Variants in CASK observed in about 807,000 individuals in gnomAD.
The protein encoded by CASK is peripheral plasma membrane protein CASK.
In CASK, 4 loss-of-function variants were observed where a neutral mutation model predicts 82.9. The ratio of observed to expected loss-of-function variants is 0.05; its 90% CI spans 0.02 to 0.11. The LOEUF (loss-of-function observed/expected upper bound fraction) is 0.11, where lower values mean the gene tolerates loss of function less well. CASK is among the 10% of genes least tolerant of loss of function. CASK has a pLI of 1.00. For missense variants in CASK, 358 were observed against 720.9 expected, an observed-to-expected ratio of 0.50 and a Z score of 5.76; for synonymous variants, 259 against 253.5, an observed-to-expected ratio of 1.02 and a Z score of -0.20.
At chrX:41,826,495 C>G (rs903557333) in intron 2 of CASK, among the ~76,000 whole-genome samples, 1 of 111,590 alleles carries the variant, frequency 9.0e-6, no homozygotes, top group African/African-American at 3.3e-5. Context: ...GTTTTTGAGA[C>G]AGGGTCTCAC....
At chrX:41,629,987 C>T (rs985565138) in intron 9 of CASK, among the ~76,000 whole-genome samples, 6 of 111,391 alleles carry the variant, frequency 5.4e-5, no homozygotes, top group African/African-American at 1.3e-4. Context: ...CTTTTAAGGG[C>T]GAAACATAAT....
intron 3 of CASK, among the ~76,000 whole-genome samples, chrX:41,774,944 C>G (rs1229456981): frequency 9.0e-6 from 1 of 111,586 alleles, no homozygotes; most frequent in Non-Finnish European, 1.9e-5. Flanking sequence ...AGAAGAAAAC[C>G]TAGGCATTAC....
intron 5 of CASK, among the ~76,000 whole-genome samples, chrX:41,683,677 G>C (rs2067398961): frequency 9.0e-6 from 1 of 111,251 alleles, no homozygotes; most frequent in African/African-American, 3.3e-5. Context: ...AGTTTTGGGG[G>C]AGTCAAAAGT....
In CASK at chrX:41,726,863, T is replaced by C. The variant is rs187587572; in HGVS notation, c.429+12521A>G. The C allele has an allele frequency of 9.2e-4, 311 of 338,669 alleles. 1 individual carries two copies. Among genetic ancestry groups the C allele is most frequent in the Non-Finnish European group, 1.8e-4 (35 of 196,977 alleles). The allele number at this position is 338,669 out of a possible 1,213,427, so 27.9% of individuals were successfully genotyped here. On this transcript the variant is annotated intron_variant, in intron 5 of 26. Coordinates refer to ENST00000378163, the MANE Select transcript of CASK (RefSeq NM_001367721.1). ...GAAAAGGTAAGAAGCCATCTATACTTTCCCGTTCCATCCAATACATTTTTG... is the reference window on the plus strand; with the variant it reads ...GAAAAGGTAAGAAGCCATCTATACTCTCCCGTTCCATCCAATACATTTTTG...
At chrX:41,728,049 A>T in intron 5 of CASK, 1 of 992,096 alleles carries the variant, frequency 1.0e-6, no homozygotes, top group Non-Finnish European at 1.4e-6. Flanking sequence ...TTTTGAATGG[A>T]AAACCCCACA....
At chrX:41,713,033 C>T (rs1014355293) in intron 5 of CASK, among the ~76,000 whole-genome samples, 6 of 111,780 alleles carry the variant, frequency 5.4e-5, no homozygotes, top group Non-Finnish European at 7.5e-5. Context: ...AATAATAAAA[C>T]TCCGCTCTCC....
rs1211373538 is a variant in CASK, at chrX:41,515,356, G to A, written c.*5064C>T. 5 of 112,293 alleles carry A rather than the reference G, an allele frequency of 4.5e-5. No homozygotes were observed. The highest frequency in any genetic ancestry group is 1.6e-4 in the African/African-American group (5 of 30,902). The allele number at this position is 112,293 out of a possible 1,213,427, so 9.3% of individuals were successfully genotyped here. On this transcript the variant is annotated 3_prime_UTR_variant, in exon 27 of 27. Coordinates refer to ENST00000378163, the MANE Select transcript of CASK (RefSeq NM_001367721.1). Reference sequence around the variant, plus strand: ...CCTGCAAATACTTACAATTGGATACGGTGAAATATACAACAACCATTAACA... The same window carrying A: ...CCTGCAAATACTTACAATTGGATACAGTGAAATATACAACAACCATTAACA...
At chrX:41,852,671 A>T (rs1319729842) in intron 2 of CASK, among the ~76,000 whole-genome samples, 2 of 111,357 alleles carry the variant, frequency 1.8e-5, no homozygotes, top group Non-Finnish European at 3.8e-5. Flanking sequence ...GCCAAATGTG[A>T]GATATGAATC....
chrX:41,645,201 A>T (rs1205023420), intron 8 of CASK, among the ~76,000 whole-genome samples: 1 of 111,730 alleles, frequency 9.0e-6, no homozygotes, highest in Non-Finnish European at 1.9e-5. Context: ...TTGTCCCAAC[A>T]GTCTGAACAA....
intron 5 of CASK, chrX:41,726,963 T>C: frequency 1.7e-6 from 1 of 594,142 alleles, no homozygotes; most frequent in Non-Finnish European, 2.6e-6. Context: ...AAAATAATTT[T>C]AATATTAAAT....
chrX:41,548,540 G>A (rs758667064), intron 21 of CASK, among the ~76,000 whole-genome samples: 1 of 111,515 alleles, frequency 9.0e-6, no homozygotes, highest in East Asian at 2.8e-4. Flanking sequence ...TTTTGGTTGG[G>A]GGAAAGACAT....
intron 1 of CASK, among the ~76,000 whole-genome samples, chrX:41,873,979 C>T (rs896529307): frequency 4.6e-5 from 5 of 109,163 alleles, no homozygotes; most frequent in Middle Eastern, 4.7e-3. Flanking sequence ...TTAGTAGAGA[C>T]GGGGTTTCAG....
At chrX:41,860,307 T>C (rs1490920160) in intron 1 of CASK, among the ~76,000 whole-genome samples, 1 of 111,214 alleles carries the variant, frequency 9.0e-6, no homozygotes, top group African/African-American at 3.3e-5. Context: ...TTGAGGGACA[T>C]AGATGGTGGG....
intron 1 of CASK, among the ~76,000 whole-genome samples, chrX:41,861,824 T>C (rs1052593098): frequency 9.9e-6 from 1 of 100,940 alleles, no homozygotes; most frequent in African/African-American, 3.5e-5. Context: ...ATTGTATATA[T>C]GTATATATAC....
intron 2 of CASK, among the ~76,000 whole-genome samples, chrX:41,806,989 T>C (rs2070137805): frequency 9.0e-6 from 1 of 111,502 alleles, no homozygotes; most frequent in Admixed American, 9.6e-5. Flanking sequence ...TTATAAAAAA[T>C]TAAATCACAA....
At chrX:41,642,931 G>A (rs1164528694) in intron 8 of CASK, among the ~76,000 whole-genome samples, 1 of 111,834 alleles carries the variant, frequency 8.9e-6, no homozygotes, top group Non-Finnish European at 1.9e-5. Context: ...TGTATAAGGT[G>A]TAAGGAAGGG....
intron 2 of CASK, among the ~76,000 whole-genome samples, chrX:41,808,875 A>G (rs2070198361): frequency 8.9e-6 from 1 of 112,570 alleles, no homozygotes; most frequent in Admixed American, 9.3e-5. Context: ...TCTCACCCTG[A>G]TACTGCGCTC....
intron 2 of CASK, chrX:41,790,241 T>G (rs2069687159): frequency 1.0e-6 from 1 of 964,953 alleles, no homozygotes; most frequent in African/African-American, 2.1e-5. Flanking sequence ...TCGTTCAACT[T>G]TAGCACCTGG....
intron 5 of CASK, chrX:41,688,987 C>T (rs1347838523): frequency 9.0e-6 from 1 of 110,736 alleles, no homozygotes; most frequent in Non-Finnish European, 1.9e-5. Context: ...AATTGCACCA[C>T]GACCGGATGG....
Sources: gnomAD v4.1 joint callset for allele counts (sites outside exome capture counted in the v4.1 genomes callset) on GRCh38, gnomAD v4.1.1 for gene constraint, MANE v1.5 for transcripts, NCBI Gene and HGNC (gene_info 2026-07-23, HGNC 2026-07-21) for gene names.